SPIC: variants seen among roughly 807,000 people sequenced by gnomAD.
SPIC encodes the protein Spi-C transcription factor, also known as transcription factor Spi-C.
A neutral mutation model predicts 16.7 loss-of-function variants in SPIC; 9 were observed. The observed-to-expected ratio is 0.54, with a 90% CI of 0.33 to 0.94. The LOEUF (loss-of-function observed/expected upper bound fraction) is 0.94, where lower values mean the gene tolerates loss of function less well. Among genes scored for constraint, SPIC ranks in the 40% least tolerant of loss-of-function variants. The pLI, the probability that SPIC is intolerant of heterozygous loss-of-function variation, is 0.03. For missense variants in SPIC, 241 were observed against 285.8 expected (o/e 0.84, Z 1.13); for synonymous variants, 97 against 102.9 (o/e 0.94, Z 0.35).
intron 3 of SPIC, 96 bp from the exon 4 acceptor site, chr12:101,479,486 G>A: frequency 1.2e-6 from 1 of 845,450 alleles, no homozygotes. Context: ...ATAGATGAGA[G>A]CAATTGCATC....
chr12:101,479,179 A>AGAAG (rs1344807029), intron 3 of SPIC, among the ~76,000 whole-genome samples: 1 of 99,594 alleles, frequency 1.0e-5, no homozygotes, highest in African/African-American at 4.4e-5. Flanking sequence ...AGAAAAAGAA[A>AGAAG]GAAAGAAAGA....
intron 1 of SPIC, 132 bp downstream of exon 1, chr12:101,475,634 T>A (rs1872935766): frequency 6.6e-6 from 1 of 152,212 alleles, no homozygotes; most frequent in African/African-American, 2.4e-5. Flanking sequence ...TAATCAATAA[T>A]GTTTTCAAGC....
In SPIC at chr12:101,486,888, C is replaced by A; in HGVS notation, c.*117C>A. 5 of 847,362 alleles carry A rather than the reference C, an allele frequency of 5.9e-6. No homozygotes were observed. Among genetic ancestry groups the A allele is most frequent in the Non-Finnish European group, 6.9e-6 (4 of 580,290 alleles). The allele number at this position is 847,362 out of a possible 1,614,324, so 52.5% of individuals were successfully genotyped here. On this transcript the variant is annotated 3_prime_UTR_variant, in exon 6 of 6. Transcript: ENST00000551346. Reference sequence around the variant, plus strand: ...GAAATTTAGGATTTTTCTCTTAAAGCAAATACTAAAGAGGAAAAAAAATTA... The same window carrying A: ...GAAATTTAGGATTTTTCTCTTAAAGAAAATACTAAAGAGGAAAAAAAATTA...
At chr12:101,476,758 G>A in intron 1 of SPIC, 70 bp from the exon 2 acceptor site, 1 of 434,172 alleles carries the variant, frequency 2.3e-6, no homozygotes, top group Non-Finnish European at 4.0e-6. Context: ...ATATTTTTGA[G>A]CAAGATCTTA....
chr12:101,486,340 T>C lies in SPIC; in HGVS notation c.320-4T>C. 1 of 1,597,538 alleles carries C rather than the reference T, an allele frequency of 6.3e-7. No individual in the cohort carries two copies. Among genetic ancestry groups the C allele is most frequent in the Non-Finnish European group, 8.5e-7 (1 of 1,172,146 alleles). On this transcript the variant is annotated splice_region_variant and splice_polypyrimidine_tract_variant and intron_variant, in intron 5 of 5. Coordinates refer to ENST00000551346, the MANE Select transcript of SPIC (RefSeq NM_152323.3). ...GAGTTTGACCTTGTTTCCCTTCATT[T>C]TAGGCAGGAAGAAGCTCCGACTGTT...
chr12:101,478,769 A>G (rs1452366800), intron 3 of SPIC, among the ~76,000 whole-genome samples: 3 of 152,204 alleles, frequency 2.0e-5, no homozygotes, highest in African/African-American at 4.8e-5. Flanking sequence ...CCTATGGACT[A>G]TATAGTCTAA....
chr12:101,485,154 C>T (rs553489232), intron 5 of SPIC, among the ~76,000 whole-genome samples: 1 of 152,328 alleles, frequency 6.6e-6, no homozygotes, highest in South Asian at 2.1e-4. Flanking sequence ...TCCCCAGAGA[C>T]TGTTTAAAGC....
At chr12:101,476,541 T>TCA (rs1565830124) in intron 1 of SPIC, among the ~76,000 whole-genome samples, 1 of 152,114 alleles carries the variant, frequency 6.6e-6, no homozygotes, top group Non-Finnish European at 1.5e-5. Flanking sequence ...TTTGAAATAC[T>TCA]TATATATACT....
intron 2 of SPIC, among the ~76,000 whole-genome samples, chr12:101,477,310 T>C (rs1169111484): frequency 6.6e-6 from 1 of 152,194 alleles, no homozygotes; most frequent in Non-Finnish European, 1.5e-5. Flanking sequence ...CATTTGGTGA[T>C]GTCGGAAACA....
At chr12:101,483,013 T>C in intron 5 of SPIC, 113 bp downstream of exon 5, 1 of 897,052 alleles carries the variant, frequency 1.1e-6, no homozygotes, top group Non-Finnish European at 1.7e-6. Context: ...TATTCTTTTA[T>C]CACATTTGAG....
rs556559663 is a variant in SPIC, at chr12:101,477,020, G to A, written c.3+113G>A. On this transcript the variant is annotated intron_variant, in intron 2 of 5. Transcript: ENST00000551346. ...CTCCATTTTAAAAATAAAATATATC[G>A]ATCATGTTAATAAGGATATGAAATA... 4.4e-5 allele frequency: 24 copies of A among 542,244 alleles called. No homozygotes were observed. The South Asian group carries it at 7.3e-4, about 17-fold the overall frequency. The allele number at this position is 542,244 out of a possible 1,614,324, so 33.6% of individuals were successfully genotyped here.
intron 3 of SPIC, among the ~76,000 whole-genome samples, chr12:101,478,385 G>T (rs1873031368): frequency 6.6e-6 from 1 of 151,804 alleles, no homozygotes; most frequent in South Asian, 2.1e-4. Context: ...TAGAGACAGG[G>T]TCTCACTATG....
intron 5 of SPIC, among the ~76,000 whole-genome samples, chr12:101,483,611 C>CT (rs1309446951): frequency 2.0e-5 from 3 of 151,636 alleles, no homozygotes; most frequent in Admixed American, 6.6e-5. Context: ...CCACTATCAT[C>CT]TTTTTTTTCT....
At chr12:101,484,478 G>T (rs1873302990) in intron 5 of SPIC, among the ~76,000 whole-genome samples, 1 of 152,052 alleles carries the variant, frequency 6.6e-6, no homozygotes, top group African/African-American at 2.4e-5. Flanking sequence ...GGAGGTTGCA[G>T]TGAGCCAAGA....
At chr12:101,479,472 A>G in intron 3 of SPIC, 110 bp from the exon 4 acceptor site, 3 of 759,388 alleles carry the variant, frequency 4.0e-6, no homozygotes, top group Non-Finnish European at 6.3e-6. Context: ...AGTGGCAAGA[A>G]AACATAGATG....
Position 101,486,776 on chromosome 12 carries a change from A to G in SPIC, c.*5A>G, listed in dbSNP as rs1420424301. The G allele has an allele frequency of 1.3e-6, 2 of 1,524,596 alleles. No homozygotes were observed. The highest frequency in any genetic ancestry group is 1.3e-5 in the South Asian group (1 of 76,090). The allele number at this position is 1,524,596 out of a possible 1,614,324, so 94.4% of individuals were successfully genotyped here. ...CTAAATCACCATGATTGCTAAATAT[A>G]CTTTCATATTTCATGGTTTACTGGC... On this transcript the variant is annotated 3_prime_UTR_variant, in exon 6 of 6. Transcript: ENST00000551346.
At chr12:101,478,320 T>G (rs1224000535) in intron 3 of SPIC, among the ~76,000 whole-genome samples, 1 of 152,096 alleles carries the variant, frequency 6.6e-6, no homozygotes, top group Non-Finnish European at 1.5e-5. Flanking sequence ...CATGAGCCAC[T>G]GTGCCCGGTG....
chr12:101,478,280 C>G (rs892349065), intron 3 of SPIC, among the ~76,000 whole-genome samples: 8 of 152,100 alleles, frequency 5.3e-5, no homozygotes, highest in African/African-American at 1.7e-4. Context: ...ATCCGCCCAT[C>G]TCGGCCTCCC....
chr12:101,486,295 C>A, intron 5 of SPIC, 49 bp from the exon 6 acceptor site: 1 of 1,541,702 alleles, frequency 6.5e-7, no homozygotes, highest in South Asian at 1.3e-5. Context: ...TGAGGATGTT[C>A]TCGGTTTACA....
Sources: gnomAD v4.1 joint callset for allele counts (sites outside exome capture counted in the v4.1 genomes callset) on GRCh38, gnomAD v4.1.1 for gene constraint, MANE v1.5 for transcripts, NCBI Gene and HGNC (gene_info 2026-07-23, HGNC 2026-07-21) for gene names.